The following RABL6 variants were observed in gnomAD, a reference collection of about 807,000 sequenced individuals.
The protein encoded by RABL6 is rab-like protein 6.
Under a neutral mutation model 72.9 loss-of-function variants are expected in RABL6, and 28 were observed. The observed-to-expected ratio is 0.38, with a 90% CI of 0.28 to 0.53. The LOEUF is 0.53. RABL6 is among the 20% of genes least tolerant of loss of function. The probability of loss-of-function intolerance (pLI) is 0.80; values close to 1 mark genes in which losing one functional copy is unlikely to be tolerated. For synonymous variants in RABL6, 477 were observed against 421.2 expected (o/e 1.13, Z -1.62); for missense variants, 1,029 against 1,008.4 (o/e 1.02, Z -0.28).
At chr9:136,831,916 G>C in intron 6 of RABL6, 55 bp downstream of exon 6, 1 of 1,552,624 alleles carries the variant, frequency 6.4e-7, no homozygotes, top group East Asian at 2.3e-5. Context: ...CGGTGTGCGG[G>C]GGAGGGTGCT....
chr9:136,811,253 T>C (rs903909087), intron 1 of RABL6, among the ~76,000 whole-genome samples: 2 of 152,122 alleles, frequency 1.3e-5, no homozygotes, highest in Admixed American at 6.5e-5. Flanking sequence ...ATTTAAGATA[T>C]ATGTTGATTT....
rs367667447 is a variant in RABL6 at position 136,828,534 on chromosome 9, C to T, written c.354C>T (p.Asn118=). Residue 118 remains asparagine, a synonymous_variant, in exon 4 of 15, where the codon AAC becomes AAT. Coordinates refer to ENST00000311502, the MANE Select transcript of RABL6 (RefSeq NM_024718.5). ...KKRGDGLKME[N]DPQEAESEMA... is the part of the protein sequence containing the mutation. ...GAGGCGACGGCTTAAAGATGGAGAA[C>T]GACCCCCAGGAGGTGAGTGCCAGGT... is the stretch of plus-strand genomic sequence containing the variant. 42 of 1,613,144 alleles carry T rather than the reference C, an allele frequency of 2.6e-5. 1 individual carries two copies. The Admixed American group carries it at 4.2e-4, about 16-fold the overall frequency.
chr9:136,838,083 G>A, intron 10 of RABL6, 68 bp downstream of exon 10: 1 of 1,533,482 alleles, frequency 6.5e-7, no homozygotes, highest in Non-Finnish European at 8.8e-7. Context: ...GCAGCAGGTG[G>A]GGCTGGCTTT....
intron 10 of RABL6, among the ~76,000 whole-genome samples, chr9:136,838,422 C>T (rs951239093): frequency 8.5e-5 from 13 of 152,188 alleles, no homozygotes; most frequent in African/African-American, 2.9e-4. Context: ...CTAGAGCCGC[C>T]TCCCCAGCCA....
intron 1 of RABL6, among the ~76,000 whole-genome samples, chr9:136,811,391 G>A (rs917853747): frequency 1.3e-5 from 2 of 152,098 alleles, no homozygotes; most frequent in Non-Finnish European, 1.5e-5. Flanking sequence ...GCCGAGGCAG[G>A]CGGACAACCT....
chr9:136,818,394 A>C (rs1300163088), intron 1 of RABL6, among the ~76,000 whole-genome samples: 3 of 23,660 alleles, frequency 1.3e-4, no homozygotes, highest in African/African-American at 1.9e-4. Flanking sequence ...AAAAAAAAAA[A>C]AAAAAAAAAA....
intron 3 of RABL6, 87 bp downstream of exon 3, chr9:136,825,913 G>C: frequency 6.8e-7 from 1 of 1,462,096 alleles, no homozygotes; most frequent in Non-Finnish European, 9.6e-7. Context: ...CGGCGCCCAT[G>C]CATCACCCAC....
chr9:136,840,542 G>C lies in RABL6; in HGVS notation c.*20G>C. The C allele has an allele frequency of 6.5e-7, 1 of 1,543,970 alleles. No individual in the cohort carries two copies. The highest frequency in any genetic ancestry group is 8.7e-7 in the Non-Finnish European group (1 of 1,144,858). On this transcript the variant is annotated 3_prime_UTR_variant, in exon 15 of 15. Coordinates refer to ENST00000311502, the MANE Select transcript of RABL6 (RefSeq NM_024718.5). The stretch of plus-strand genomic sequence containing the variant: ...CTCTAGGCCGGCGTGGGCAGTGGCC[G>C]CCCTGGGGCGGGGGGCGTGCCTGTC...
At chr9:136,838,603 A>G (rs1275270829) in intron 10 of RABL6, among the ~76,000 whole-genome samples, 1 of 152,230 alleles carries the variant, frequency 6.6e-6, no homozygotes, top group Non-Finnish European at 1.5e-5. Flanking sequence ...AAATACACAA[A>G]GGACAGAAAG....
chr9:136,829,529 C>A (rs772746996), intron 5 of RABL6, 45 bp downstream of exon 5: 78 of 1,513,326 alleles, frequency 5.2e-5, no homozygotes, highest in South Asian at 3.1e-4. Flanking sequence ...CTCTCACCCC[C>A]CTAGCCCCTT....
At chr9:136,808,384 C>T in intron 1 of RABL6, 58 bp downstream of exon 1, 2 of 1,395,850 alleles carry the variant, frequency 1.4e-6, no homozygotes, top group South Asian at 1.6e-5. Flanking sequence ...GAACCCAGGC[C>T]CCGGGCGCCG....
At position 136,839,460 on chromosome 9, in the gene RABL6, G is replaced by C; in HGVS notation, c.1732G>C (p.Glu578Gln). The C allele has an allele frequency of 1.2e-6, 2 of 1,612,448 alleles. No individual in the cohort carries two copies. Among genetic ancestry groups the C allele is most frequent in the Non-Finnish European group, 1.7e-6 (2 of 1,179,686 alleles). Residue 578 changes from glutamate (E) to glutamine (Q), a missense_variant, in exon 12 of 15, where the codon GAG (glutamate) becomes CAG (glutamine). Glu to Gln is a conservative substitution (Grantham distance 29). Transcript: ENST00000311502. ...FVMDDPDFES[E>Q]GSDTQRRADD... is the part of the protein sequence containing the mutation. Reference sequence around the variant, plus strand: ...CATGGATGACCCCGACTTTGAGAGCGAGGGATCAGACACACAGCGCAGGGC... The same window carrying C: ...CATGGATGACCCCGACTTTGAGAGCCAGGGATCAGACACACAGCGCAGGGC...
chr9:136,830,950 G>A (rs1848460503), intron 5 of RABL6: 1 of 154,776 alleles, frequency 6.5e-6, no homozygotes, highest in African/African-American at 2.4e-5. Flanking sequence ...ACAGCCACGA[G>A]AGGCAGGAGA....
At position 136,837,370 on chromosome 9, in the gene RABL6, C is replaced by T. The variant is rs558326057; in HGVS notation, c.834C>T (p.Arg278=). ...YGIFLEMMEA[R]SRGHASPLAA... Reference sequence around the variant, plus strand: ...GCTTCCTGGAGATGATGGAGGCTCGCAGCCGTGGCCATGCGTCCCCACTGG... The same window carrying T: ...GCTTCCTGGAGATGATGGAGGCTCGTAGCCGTGGCCATGCGTCCCCACTGG... The change falls in exon 9 of 15, where the codon CGC becomes CGT. Residue 278 remains arginine, a synonymous_variant. Coordinates refer to ENST00000311502, the MANE Select transcript of RABL6 (RefSeq NM_024718.5). The T allele has an allele frequency of 1.2e-6, 2 of 1,603,392 alleles. No homozygotes were observed. The highest frequency in any genetic ancestry group is 2.3e-5 in the East Asian group (1 of 44,278).
In RABL6 at chr9:136,839,679, C is replaced by T; in HGVS notation, c.1759-15C>T. The stretch of plus-strand genomic sequence containing the variant: ...GGAGGGATGATGGCCTGACCAGTTG[C>T]TCTCCCTGCTCCAGGATGACTTTCC... On this transcript the variant is annotated splice_polypyrimidine_tract_variant and intron_variant, in intron 12 of 14. Coordinates refer to ENST00000311502, the MANE Select transcript of RABL6 (RefSeq NM_024718.5). 6.4e-7 allele frequency: 1 copy of T among 1,569,242 alleles called. No homozygotes were observed. The highest frequency in any genetic ancestry group is 8.7e-7 in the Non-Finnish European group (1 of 1,154,488).
At chr9:136,838,766 C>T (rs1017184715) in intron 10 of RABL6, 143 bp from the exon 11 acceptor site, 11 of 698,788 alleles carry the variant, frequency 1.6e-5, no homozygotes, top group African/African-American at 1.8e-5. Context: ...CATGAGGGGG[C>T]CTCTCCACAA....
At chr9:136,810,203 G>T (rs1211093071) in intron 1 of RABL6, among the ~76,000 whole-genome samples, 1 of 152,084 alleles carries the variant, frequency 6.6e-6, no homozygotes, top group Non-Finnish European at 1.5e-5. Flanking sequence ...GGGAAATCAG[G>T]CCTGGACCTG....
At chr9:136,830,516 CA>C (rs2131190120) in intron 5 of RABL6, among the ~76,000 whole-genome samples, 1 of 152,392 alleles carries the variant, frequency 6.6e-6, no homozygotes, top group African/African-American at 2.4e-5. Flanking sequence ...GGCACGAGTT[CA>C]GCTCGGGCGC....
intron 1 of RABL6, chr9:136,813,208 C>T (rs755805884): frequency 1.9e-6 from 1 of 516,122 alleles, no homozygotes; most frequent in Admixed American, 2.6e-5. Context: ...GCCTGATTGC[C>T]CTGCCCCCAG....
Sources: allele counts gnomAD v4.1 joint callset (sites outside exome capture counted in the v4.1 genomes callset), GRCh38; gene constraint gnomAD v4.1.1; transcripts MANE v1.5; gene names NCBI Gene and HGNC (gene_info 2026-07-23, HGNC 2026-07-21).